The following GABRB1 variants were observed in gnomAD, a reference collection of about 807,000 sequenced individuals.
GABRB1 encodes gamma-aminobutyric acid receptor subunit beta-1.
A neutral mutation model predicts 51.6 loss-of-function variants in GABRB1; 17 were observed. The observed-to-expected ratio is 0.33, with a 90% confidence interval of 0.23 to 0.49. The LOEUF is 0.49. Among genes scored for constraint, GABRB1 ranks in the 20% least tolerant of loss-of-function variants. The pLI is 0.99. For missense variants in GABRB1, 410 were observed against 600.6 expected, an observed-to-expected ratio of 0.68 and a Z score of 3.32; for synonymous variants, 247 against 218.9, an observed-to-expected ratio of 1.13 and a Z score of -1.14.
rs567204793 is a variant in GABRB1, at chr4:47,116,994, G to A, written c.241-44255G>A. Among the ~76,000 whole-genome samples, 9 of 152,172 alleles carry A rather than the reference G, an allele frequency of 5.9e-5. No individual in the cohort carries two copies. The South Asian group carries it at 1.9e-3, about 32-fold the overall frequency. On this transcript the variant is annotated intron_variant, in intron 3 of 8. Coordinates refer to ENST00000295454, the MANE Select transcript of GABRB1 (RefSeq NM_000812.4). Reference sequence around the variant, plus strand: ...ACACACCATCAGGAGAGCAGCAAGCGGGGAAGTCCACCCCCATGATCCAGT... The same window carrying A: ...ACACACCATCAGGAGAGCAGCAAGCAGGGAAGTCCACCCCCATGATCCAGT...
intron 4 of GABRB1, among the ~76,000 whole-genome samples, chr4:47,261,812 C>A (rs1446541838): frequency 6.6e-6 from 1 of 152,158 alleles, no homozygotes; most frequent in Non-Finnish European, 1.5e-5. Context: ...CCTACAGTAA[C>A]CAAAACAGCA....
In GABRB1 at chr4:47,019,888, A is replaced by ATATATGTATAGGTATATGTATATG. The variant is rs1553909558; in HGVS notation, c.-19-12016_-19-12015insGGTATATGTATATGTATATGTATA. 1.8e-4 allele frequency among the ~76,000 whole-genome samples: 25 copies of ATATATGTATAGGTATATGTATATG among 139,676 alleles called. No homozygotes were observed. The East Asian group carries it at 4.9e-3, about 27-fold the overall frequency. The allele number at this position is 139,676 out of a possible 152,430, so 91.6% of individuals were successfully genotyped here. A position where few individuals can be genotyped will look rare whatever the true frequency, so the allele number is the denominator to read the frequency against. On this transcript the variant is annotated intron_variant, in intron 1 of 3. Transcript: ENST00000513567. ...CCTGGCTAATTTATATATATATATA[A>ATATATGTATAGGTATATGTATATG]TATATGTATATGTATATGTATATGT...
chr4:47,345,241 T>G (rs1578109881), intron 5 of GABRB1, among the ~76,000 whole-genome samples: 1 of 152,186 alleles, frequency 6.6e-6, no homozygotes, highest in African/African-American at 2.4e-5. Context: ...ATAGGCTGGG[T>G]GGGCCCTTGG....
chr4:47,058,729 A>G (rs940836717), intron 3 of GABRB1, among the ~76,000 whole-genome samples: 32 of 152,178 alleles, frequency 2.1e-4, no homozygotes, highest in African/African-American at 7.7e-4. Flanking sequence ...GTAAGGTTTC[A>G]TTGGAAGGTT....
chr4:47,343,901 T>C (rs4561904), intron 5 of GABRB1, among the ~76,000 whole-genome samples: 60,637 of 152,086 alleles, frequency 0.4, 12,244 homozygotes, highest in East Asian at 0.59. Context: ...TTGCTCAGAG[T>C]TACACATCTA....
chr4:47,225,687 C>T (rs1456663743), intron 4 of GABRB1, among the ~76,000 whole-genome samples: 1 of 152,108 alleles, frequency 6.6e-6, no homozygotes, highest in African/African-American at 2.4e-5. Context: ...AAAAGTGCCT[C>T]TCTTTGAGAT....
intron 3 of GABRB1, among the ~76,000 whole-genome samples, chr4:47,037,812 G>A (rs1725659442): frequency 6.6e-6 from 1 of 152,070 alleles, no homozygotes; most frequent in Non-Finnish European, 1.5e-5. Context: ...CACCATTACA[G>A]ATTGAAAAAC....
In GABRB1 at chr4:47,082,518, C is replaced by G. The variant is rs939657851; in HGVS notation, c.240+50034C>G. 3.3e-5 allele frequency among the ~76,000 whole-genome samples: 5 copies of G among 152,168 alleles called. No individual in the cohort carries two copies. The South Asian group carries it at 1.0e-3, about 32-fold the overall frequency. On this transcript the variant is annotated intron_variant, in intron 3 of 8. Coordinates refer to ENST00000295454, the MANE Select transcript of GABRB1 (RefSeq NM_000812.4). The stretch of plus-strand genomic sequence containing the variant: ...AACAACTTTCTCACTATGTCATTCT[C>G]TGCTATTTCTTTAATTACTTAAAAT...
At chr4:47,211,739 T>C (rs1448625429) in intron 4 of GABRB1, among the ~76,000 whole-genome samples, 1 of 152,196 alleles carries the variant, frequency 6.6e-6, no homozygotes, top group Non-Finnish European at 1.5e-5. Context: ...ATCCACAGGA[T>C]GGAGTTCCTT....
At chr4:47,332,405 C>A (rs1725518513) in intron 5 of GABRB1, among the ~76,000 whole-genome samples, 1 of 152,164 alleles carries the variant, frequency 6.6e-6, no homozygotes, top group Non-Finnish European at 1.5e-5. Context: ...TTAACATCTA[C>A]AACCTTGGAA....
chr4:47,174,831 C>T (rs1718594431), intron 4 of GABRB1, among the ~76,000 whole-genome samples: 1 of 152,032 alleles, frequency 6.6e-6, no homozygotes, highest in South Asian at 2.1e-4. Context: ...TTGTCAGTGC[C>T]CTGCACTATA....
At chr4:47,241,121 C>T (rs1186856780) in intron 4 of GABRB1, among the ~76,000 whole-genome samples, 1 of 152,138 alleles carries the variant, frequency 6.6e-6, no homozygotes, top group East Asian at 1.9e-4. Flanking sequence ...AATTCTACAG[C>T]ATCATTTATA....
At chr4:47,290,041 TAGA>T (rs1055986716) in intron 4 of GABRB1, among the ~76,000 whole-genome samples, 12 of 152,246 alleles carry the variant, frequency 7.9e-5, no homozygotes, top group African/African-American at 2.9e-4. Flanking sequence ...CAATTTTGCC[TAGA>T]AGTAGATTTC....
intron 5 of GABRB1, among the ~76,000 whole-genome samples, chr4:47,377,028 T>G (rs917876110): frequency 1.1e-4 from 14 of 123,196 alleles, no homozygotes; most frequent in African/African-American, 2.8e-4. Flanking sequence ...CCTCTAGCAA[T>G]GAATTCTTTC....
intron 4 of GABRB1, among the ~76,000 whole-genome samples, chr4:47,311,747 T>A (rs943599611): frequency 2.6e-5 from 4 of 152,194 alleles, no homozygotes; most frequent in African/African-American, 9.7e-5. Context: ...AAACTAATAC[T>A]GTATGTGAGG....
intron 5 of GABRB1, among the ~76,000 whole-genome samples, chr4:47,325,305 C>T (rs1329585443): frequency 1.3e-5 from 2 of 151,962 alleles, no homozygotes; most frequent in African/African-American, 4.8e-5. Flanking sequence ...CATGGTGGCA[C>T]ATGCCTGTAA....
chr4:47,290,713 T>G (rs2109921298), intron 4 of GABRB1, among the ~76,000 whole-genome samples: 1 of 152,226 alleles, frequency 6.6e-6, no homozygotes, highest in South Asian at 2.1e-4. Flanking sequence ...GTGACTCTTG[T>G]TATGTTTTAG....
At chr4:47,061,213 A>G (rs1726833095) in intron 3 of GABRB1, among the ~76,000 whole-genome samples, 1 of 152,224 alleles carries the variant, frequency 6.6e-6, no homozygotes, top group African/African-American at 2.4e-5. Flanking sequence ...GATTCTGTAA[A>G]AAGTGACTTT....
At chr4:47,358,617 T>C (rs1187723597) in intron 5 of GABRB1, among the ~76,000 whole-genome samples, 1 of 151,948 alleles carries the variant, frequency 6.6e-6, no homozygotes, top group African/African-American at 2.4e-5. Context: ...CTTTTAGGGA[T>C]ACCAGTCATA....
Sources: allele counts gnomAD v4.1 joint callset (sites outside exome capture counted in the v4.1 genomes callset), GRCh38; gene constraint gnomAD v4.1.1; transcripts MANE v1.5; gene names NCBI Gene and HGNC (gene_info 2026-07-23, HGNC 2026-07-21).